Variants in RBM46 observed in about 807,000 individuals in gnomAD.
The protein encoded by RBM46 is RNA binding motif protein 46.
A neutral mutation model predicts 43.3 loss-of-function variants in RBM46; 12 were observed. The ratio of observed to expected loss-of-function variants is 0.28; its 90% CI spans 0.18 to 0.45. The LOEUF is 0.45. RBM46 is among the 20% of genes least tolerant of loss of function. The pLI is 1.00. For synonymous variants in RBM46, 205 were observed against 207.6 expected (o/e 0.99, Z 0.11); for missense variants, 412 against 639.1 (o/e 0.64, Z 3.83).
rs188005337 is a variant in RBM46 at position 154,828,189 on chromosome 4, C to A, written c.*122C>A. The A allele has an allele frequency of 1.3e-5, 9 of 703,200 alleles. No individual in the cohort carries two copies. In the East Asian group the frequency reaches 1.6e-4, roughly 13 times the overall value. The allele number at this position is 703,200 out of a possible 1,614,324, so 43.6% of individuals were successfully genotyped here. ...TTTGGTTTTAAAAAGGTATTTATTC[C>A]AAAGTACTAAACATCAGCTATAATT... On this transcript the variant is annotated 3_prime_UTR_variant, in exon 5 of 5. Coordinates refer to ENST00000281722, the MANE Select transcript of RBM46 (RefSeq NM_144979.5).
chr4:154,804,708 T>A (rs2111159213), intron 4 of RBM46, among the ~76,000 whole-genome samples: 1 of 152,272 alleles, frequency 6.6e-6, no homozygotes, highest in East Asian at 1.9e-4. Context: ...GTATGGCTAT[T>A]GGAAAATTTT....
intron 1 of RBM46, among the ~76,000 whole-genome samples, chr4:154,796,326 C>T (rs1025456352): frequency 6.6e-6 from 1 of 152,158 alleles, no homozygotes; most frequent in East Asian, 1.9e-4. Context: ...ATGTAAGCCA[C>T]AGGAAAATCC....
intron 4 of RBM46, among the ~76,000 whole-genome samples, chr4:154,821,688 G>A (rs1200512814): frequency 6.6e-6 from 1 of 151,674 alleles, no homozygotes; most frequent in Non-Finnish European, 1.5e-5. Flanking sequence ...TGCCTGTGAA[G>A]GCATTTGAGT....
intron 1 of RBM46, among the ~76,000 whole-genome samples, chr4:154,786,512 G>A (rs1733774705): frequency 6.6e-6 from 1 of 152,120 alleles, no homozygotes; most frequent in African/African-American, 2.4e-5. Context: ...GAGGTATAGT[G>A]TAAGATACAA....
intron 4 of RBM46, among the ~76,000 whole-genome samples, chr4:154,817,361 C>T (rs1475344028): frequency 7.8e-5 from 11 of 141,568 alleles, no homozygotes; most frequent in African/African-American, 2.3e-4. Flanking sequence ...GATGCTGAGT[C>T]TCATACTGTC....
At chr4:154,799,662 A>G in intron 4 of RBM46, 98 bp downstream of exon 4, 5 of 802,702 alleles carry the variant, frequency 6.2e-6, no homozygotes, top group Middle Eastern at 3.9e-4. Flanking sequence ...CATTAGTGGT[A>G]AGTATGTAAC....
At position 154,788,095 on chromosome 4, in the gene RBM46, C is replaced by T. The variant is rs977649211; in HGVS notation, c.-12+6659C>T. Among the ~76,000 whole-genome samples the T allele has an allele frequency of 2.6e-5, 4 of 152,256 alleles. No individual in the cohort carries two copies. In the East Asian group the frequency reaches 7.7e-4, roughly 29 times the overall value. ...GAGATTCTGGATATTAGCCCTTTGT[C>T]AGATGGTTAGATTGTAAAAATTTTC... is the stretch of plus-strand genomic sequence containing the variant. On this transcript the variant is annotated intron_variant, in intron 1 of 4. Transcript: ENST00000281722.
intron 1 of RBM46, among the ~76,000 whole-genome samples, chr4:154,791,519 A>T (rs1452790229): frequency 1.3e-5 from 2 of 152,314 alleles, no homozygotes; most frequent in African/African-American, 2.4e-5. Flanking sequence ...GTGGTGGTGC[A>T]TGACTGTAGT....
intron 4 of RBM46, among the ~76,000 whole-genome samples, chr4:154,819,195 G>A (rs1735608137): frequency 6.6e-6 from 1 of 152,208 alleles, no homozygotes; most frequent in Non-Finnish European, 1.5e-5. Flanking sequence ...TTTGGCTTCA[G>A]AAAGGTGGCC....
chr4:154,799,598 A>G (rs769697458), intron 4 of RBM46, 34 bp downstream of exon 4: 1 of 1,375,030 alleles, frequency 7.3e-7, no homozygotes, highest in South Asian at 1.6e-5. Context: ...GATGTATAAT[A>G]TGAAATTAGG....
chr4:154,786,458 C>T (rs1301213382), intron 1 of RBM46, among the ~76,000 whole-genome samples: 1 of 152,114 alleles, frequency 6.6e-6, no homozygotes, highest in Non-Finnish European at 1.5e-5. Flanking sequence ...ATTAATATTA[C>T]ATTGTTTTAT....
chr4:154,814,904 G>A (rs1735354070), intron 4 of RBM46, among the ~76,000 whole-genome samples: 1 of 149,760 alleles, frequency 6.7e-6, no homozygotes, highest in South Asian at 2.1e-4. Context: ...CACAAATAAT[G>A]AGTGTAAATT....
chr4:154,798,640 G>C, intron 3 of RBM46, 142 bp from the exon 4 acceptor site: 1 of 601,804 alleles, frequency 1.7e-6, no homozygotes, highest in Non-Finnish European at 2.6e-6. Context: ...AAAAATTTTT[G>C]TGTGAATAGG....
At chr4:154,813,553 T>G (rs985736773) in intron 4 of RBM46, among the ~76,000 whole-genome samples, 4 of 152,100 alleles carry the variant, frequency 2.6e-5, no homozygotes, top group African/African-American at 9.6e-5. Context: ...GTGCAATTTT[T>G]AAATTTCTTT....
intron 1 of RBM46, among the ~76,000 whole-genome samples, chr4:154,785,949 A>G (rs1262518122): frequency 6.6e-6 from 1 of 152,218 alleles, no homozygotes; most frequent in Non-Finnish European, 1.5e-5. Context: ...TGATGGTTTA[A>G]TGGCAAAACC....
intron 1 of RBM46, among the ~76,000 whole-genome samples, chr4:154,791,270 G>A (rs1217315515): frequency 2.6e-5 from 4 of 152,182 alleles, no homozygotes; most frequent in African/African-American, 9.6e-5. Flanking sequence ...TTTCTCAGGT[G>A]TGTTTAGACA....
chr4:154,790,572 A>G (rs1227992745), intron 1 of RBM46: 1 of 152,244 alleles, frequency 6.6e-6, no homozygotes, highest in African/African-American at 2.4e-5. Flanking sequence ...ACATCTTAAA[A>G]TGAATTATCA....
chr4:154,809,217 G>GA (rs1735061570), intron 4 of RBM46, among the ~76,000 whole-genome samples: 1 of 151,246 alleles, frequency 6.6e-6, no homozygotes. Context: ...TTTTTATTGT[G>GA]ATTTATGCTC....
In RBM46 at chr4:154,799,251, T is replaced by A; in HGVS notation, c.1089T>A (p.Pro363=). The change falls in exon 4 of 5, where the codon CCT becomes CCA. Residue 363 remains proline, a synonymous_variant. Coordinates refer to ENST00000281722, the MANE Select transcript of RBM46 (RefSeq NM_144979.5). ...ATGGTCAGCATAGCCCAAGTCCGCC[T>A]GAAGTTGAAAGATGCACTTACCCTT... ...RLNGQHSPSP[P]EVERCTYPFY... 1 of 1,614,202 alleles carries A rather than the reference T, an allele frequency of 6.2e-7. No individual in the cohort carries two copies. The highest frequency in any genetic ancestry group is 1.7e-5 in the Admixed American group (1 of 60,026).
Sources: allele counts gnomAD v4.1 joint callset (sites outside exome capture counted in the v4.1 genomes callset), GRCh38; gene constraint gnomAD v4.1.1; transcripts MANE v1.5; gene names NCBI Gene and HGNC (gene_info 2026-07-23, HGNC 2026-07-21).